Variants in TKTL2 observed in about 807,000 individuals in gnomAD.
TKTL2 encodes the protein transketolase-like protein 2.
For missense variants in TKTL2, 825 were observed against 799.4 expected (o/e 1.03, Z -0.39); for synonymous variants, 259 against 294.1 (o/e 0.88, Z 1.22).
rs1560904567 is a variant in TKTL2, at chr4:163,473,391, C to T, written c.344G>A (p.Arg115Gln). The change falls in exon 1 of 1, where the codon CGA (arginine) becomes CAA (glutamine). Residue 115 changes from arginine to glutamine, a missense_variant. Coordinates refer to ENST00000280605, the MANE Select transcript of TKTL2 (RefSeq NM_032136.5). ...HSDLERHPTP[R>Q]LPFVDVATGS... The stretch of plus-strand genomic sequence containing the variant: ...TGTTGCCACGTCAACAAACGGCAAT[C>T]GGGGGGTAGGGTGTCTCTCCAAGTC... The T allele has an allele frequency of 6.2e-7, 1 of 1,613,840 alleles. No individual in the cohort carries two copies. Among genetic ancestry groups the T allele is most frequent in the East Asian group, 2.2e-5 (1 of 44,838 alleles).
Position 163,472,548 on chromosome 4 carries a change from A to C in TKTL2, c.1187T>G (p.Phe396Cys), listed in dbSNP as rs771090714. The C allele has an allele frequency of 3.1e-6, 5 of 1,614,086 alleles. No individual in the cohort carries two copies. The highest frequency in any genetic ancestry group is 4.2e-6 in the Non-Finnish European group (5 of 1,180,056). ...GAGCTGATCGAATGCTCTAGTAAAA[A>C]AGGCAGCAAAAGCACCAGCAAAAGC... ...TIAFAGAFAAFFTRAFDQLRM... is the reference protein window; with the variant it reads ...TIAFAGAFAACFTRAFDQLRM... Residue 396 changes from phenylalanine (F) to cysteine (C), a missense_variant, in exon 1 of 1, where the codon TTT becomes TGT. Phe to Cys is a radical substitution (Grantham distance 205, BLOSUM62 -2). Coordinates refer to ENST00000280605, the MANE Select transcript of TKTL2 (RefSeq NM_032136.5).
At position 163,473,052 on chromosome 4, in the gene TKTL2, G is replaced by A. The variant is rs1356029517; in HGVS notation, c.683C>T (p.Ala228Val). 1 of 1,614,178 alleles carries A rather than the reference G, an allele frequency of 6.2e-7. No homozygotes were observed. Among genetic ancestry groups the A allele is most frequent in the South Asian group, 1.1e-5 (1 of 91,080 alleles). Residue 228 changes from alanine to valine, a missense_variant, in exon 1 of 1, where the codon GCA becomes GTA. Physicochemically the swap from Ala to Val is moderately conservative, Grantham distance 64. Transcript: ENST00000280605. ...CTTCACTTGACTTGCTTGCCAAAAT[G>A]CTTGGCACAAGGCCTCCACATCATG... ...DGHDVEALCQAFWQASQVKNK... is the reference protein window; with the variant it reads ...DGHDVEALCQVFWQASQVKNK...
At position 163,472,728 on chromosome 4, in the gene TKTL2, T is replaced by G; in HGVS notation, c.1007A>C (p.Asn336Thr). The change falls in exon 1 of 1, where the codon AAT becomes ACT. Residue 336 changes from asparagine (N) to threonine (T), a missense_variant. Coordinates refer to ENST00000280605, the MANE Select transcript of TKTL2 (RefSeq NM_032136.5). ...GLALAKLGRA[N>T]ERVIVLSGDT... ...ACCACTCAGAACAATAACTCTTTCA[T>G]TTGCACGGCCCAGTTTAGCCAGAGC... is the stretch of plus-strand genomic sequence containing the variant. 2 of 1,608,696 alleles carry G rather than the reference T, an allele frequency of 1.2e-6. No individual in the cohort carries two copies. Among genetic ancestry groups the G allele is most frequent in the Non-Finnish European group, 1.7e-6 (2 of 1,176,988 alleles).
rs1047667687 is a variant in TKTL2, at chr4:163,473,636, G to T, written c.99C>A (p.Ala33=). The change falls in exon 1 of 1, where the codon GCC becomes GCA. Residue 33 remains alanine (A), a synonymous_variant. Transcript: ENST00000280605. The part of the protein sequence containing the change: ...LRIHSIRATC[A]SGSGQLTSCC... Reference sequence around the variant, plus strand: ...ACGACGTGAGCTGGCCAGAACCAGAGGCACACGTGGCCCTGATGGAATGGA... The same window carrying T: ...ACGACGTGAGCTGGCCAGAACCAGATGCACACGTGGCCCTGATGGAATGGA... The T allele has an allele frequency of 6.2e-7, 1 of 1,614,082 alleles. No homozygotes were observed. Among genetic ancestry groups the T allele is most frequent in the Non-Finnish European group, 8.5e-7 (1 of 1,180,052 alleles).
chr4:163,471,949 C>T lies in TKTL2; in HGVS notation c.1786G>A (p.Val596Met). The T allele has an allele frequency of 6.2e-7, 1 of 1,610,936 alleles. No homozygotes were observed. The highest frequency in any genetic ancestry group is 8.5e-7 in the Non-Finnish European group (1 of 1,178,460). ...TCACTAGTTTTCCCACGTTGAGGCA[C>T]TCCTGACACTGCCAGTTGATGAACA... ...ILVHQLAVSG[V>M]PQRGKTSELL... is the part of the protein sequence containing the mutation. Residue 596 changes from valine to methionine, a missense_variant, in exon 1 of 1, where the codon GTG (valine) becomes ATG (methionine). Physicochemically the swap from Val to Met is conservative, Grantham distance 21. Coordinates refer to ENST00000280605, the MANE Select transcript of TKTL2 (RefSeq NM_032136.5).
rs938827367 is a variant in TKTL2, at chr4:163,472,430, C to T, written c.1305G>A (p.Leu435=). 3.1e-6 allele frequency: 5 copies of T among 1,613,888 alleles called. No homozygotes were observed. The highest frequency in any genetic ancestry group is 4.2e-6 in the Non-Finnish European group (5 of 1,179,866). ...TGEDGVSQMA[L]EDLAMFRSIP... is the part of the protein sequence containing the mutation. ...TGCTTCGGAACATGGCTAGATCCTC[C>T]AGGGCCATCTGGGAGACTCCATCTT... is the stretch of plus-strand genomic sequence containing the variant. Residue 435 remains leucine (L), a synonymous_variant, in exon 1 of 1, where the codon CTG becomes CTA. Coordinates refer to ENST00000280605, the MANE Select transcript of TKTL2 (RefSeq NM_032136.5).
Position 163,472,515 on chromosome 4 carries a change from C to A in TKTL2, c.1220G>T (p.Gly407Val), listed in dbSNP as rs867327952. The change falls in exon 1 of 1, where the codon GGA (glycine) becomes GTA (valine). Residue 407 changes from glycine to valine, a missense_variant. Coordinates refer to ENST00000280605, the MANE Select transcript of TKTL2 (RefSeq NM_032136.5). ...FTRAFDQLRM[G>V]AISQANINLI... is the part of the protein sequence containing the mutation. ...GTTGATATTGGCTTGAGAAATGGCT[C>A]CCATTCGGAGCTGATCGAATGCTCT... 13 of 1,614,096 alleles carry A rather than the reference C, an allele frequency of 8.1e-6. No individual in the cohort carries two copies. Among genetic ancestry groups the A allele is most frequent in the Non-Finnish European group, 1.1e-5 (13 of 1,180,016 alleles).
rs2110750893 is a variant in TKTL2 at position 163,472,679 on chromosome 4, A to G, written c.1056T>C (p.Ser352=). Residue 352 remains serine (S), a synonymous_variant, in exon 1 of 1, where the codon TCT becomes TCC. Coordinates refer to ENST00000280605, the MANE Select transcript of TKTL2 (RefSeq NM_032136.5). ...CAGGGTGTTCTTTCCTGAATATCTC[A>G]GAAAAGGTGGAGTTCATCGTGTCAC... ...LSGDTMNSTF[S]EIFRKEHPER... 1.9e-6 allele frequency: 3 copies of G among 1,614,074 alleles called. No individual in the cohort carries two copies. In the East Asian group the frequency reaches 6.7e-5, roughly 36 times the overall value.
At position 163,472,669 on chromosome 4, in the gene TKTL2, T is replaced by A. The variant is rs1232926263; in HGVS notation, c.1066A>T (p.Arg356Trp). The A allele has an allele frequency of 9.9e-6, 16 of 1,614,040 alleles. No homozygotes were observed. Among genetic ancestry groups the A allele is most frequent in the Admixed American group, 1.7e-5 (1 of 60,004 alleles). Residue 356 changes from arginine to tryptophan, a missense_variant, in exon 1 of 1, where the codon AGG (arginine) becomes TGG (tryptophan). Arg to Trp is a moderately radical substitution (Grantham distance 101). Transcript: ENST00000280605. ...TMNSTFSEIF[R>W]KEHPERFIEC... Reference sequence around the variant, plus strand: ...ATGAAACGCTCAGGGTGTTCTTTCCTGAATATCTCAGAAAAGGTGGAGTTC... The same window carrying A: ...ATGAAACGCTCAGGGTGTTCTTTCCAGAATATCTCAGAAAAGGTGGAGTTC...
chr4:163,472,184 A>C lies in TKTL2; in HGVS notation c.1551T>G (p.His517Gln). 6.2e-7 allele frequency: 1 copy of C among 1,614,228 alleles called. No homozygotes were observed. Among genetic ancestry groups the C allele is most frequent in the Non-Finnish European group, 8.5e-7 (1 of 1,180,040 alleles). Reference sequence around the variant, plus strand: ...GATGGTCAGCAGCTTCTAAGGCTTCATGGAGAGTAACTCCAGCTCCAATTA... The same window carrying C: ...GATGGTCAGCAGCTTCTAAGGCTTCCTGGAGAGTAACTCCAGCTCCAATTA... ...VTVIGAGVTL[H>Q]EALEAADHLS... Residue 517 changes from histidine to glutamine, a missense_variant, in exon 1 of 1, where the codon CAT becomes CAG. By Grantham distance (24) the His-to-Gln change is conservative. Transcript: ENST00000280605.
chr4:163,471,552 T>C lies in TKTL2; in HGVS notation c.*302A>G, dbSNP rs1737166320. 5.1e-6 allele frequency: 1 copy of C among 196,710 alleles called. No homozygotes were observed. Among genetic ancestry groups the C allele is most frequent in the Non-Finnish European group, 1.0e-5 (1 of 98,556 alleles). 12.2% of individuals were successfully genotyped at this position (196,710 alleles called of 1,614,324 possible). A position where few individuals can be genotyped will look rare whatever the true frequency, so the allele number is the denominator to read the frequency against. ...TTTAATCCCCAGCTCAGTCAGATAT[T>C]TGTAGTCTTATCAGAAATATTTGTA... On this transcript the variant is annotated 3_prime_UTR_variant, in exon 1 of 1. Transcript: ENST00000280605.
chr4:163,473,443 A>T lies in TKTL2; in HGVS notation c.292T>A (p.Leu98Met). ...CTGTGAAGTTTCCTCAGGTTCAGCA[A>T]GTCAGATTCACTGATGTCACCCACC... ...VEVGDISESD[L>M]LNLRKLHSDL... The change falls in exon 1 of 1, where the codon TTG becomes ATG. Residue 98 changes from leucine (L) to methionine (M), a missense_variant. By Grantham distance (15) the Leu-to-Met change is conservative. Coordinates refer to ENST00000280605, the MANE Select transcript of TKTL2 (RefSeq NM_032136.5). 1.2e-6 allele frequency: 2 copies of T among 1,613,974 alleles called. No homozygotes were observed. Among genetic ancestry groups the T allele is most frequent in the Non-Finnish European group, 8.5e-7 (1 of 1,180,006 alleles).
At position 163,473,235 on chromosome 4, in the gene TKTL2, G is replaced by A; in HGVS notation, c.500C>T (p.Ala167Val). The change falls in exon 1 of 1, where the codon GCT becomes GTT. Residue 167 changes from alanine (A) to valine (V), a missense_variant. By Grantham distance (64) the Ala-to-Val change is moderately conservative (BLOSUM62 0). Coordinates refer to ENST00000280605, the MANE Select transcript of TKTL2 (RefSeq NM_032136.5). The part of the protein sequence containing the change: ...GESSEGSVWE[A>V]FAFASHYNLD... ...GTTGTAGTGGGAGGCAAAAGCAAAA[G>A]CCTCCCACACAGAGCCTTCTGAGGA... 3.1e-6 allele frequency: 5 copies of A among 1,613,942 alleles called. No homozygotes were observed. The highest frequency in any genetic ancestry group is 4.2e-6 in the Non-Finnish European group (5 of 1,180,004).
At position 163,473,642 on chromosome 4, in the gene TKTL2, C is replaced by G. The variant is rs115612250; in HGVS notation, c.93G>C (p.Thr31=). ...TGAGCTGGCCAGAACCAGAGGCACA[C>G]GTGGCCCTGATGGAATGGATCCGCA... The part of the protein sequence containing the change: ...NRLRIHSIRA[T]CASGSGQLTS... Residue 31 remains threonine, a synonymous_variant, in exon 1 of 1, where the codon ACG becomes ACC. Coordinates refer to ENST00000280605, the MANE Select transcript of TKTL2 (RefSeq NM_032136.5). 8.7e-5 allele frequency: 140 copies of G among 1,614,172 alleles called. No homozygotes were observed. In the African/African-American group the frequency reaches 1.7e-3, roughly 19 times the overall value.
At position 163,471,926 on chromosome 4, in the gene TKTL2, A is replaced by T; in HGVS notation, c.1809T>A (p.Ser603Arg). 6.2e-7 allele frequency: 1 copy of T among 1,600,516 alleles called. No homozygotes were observed. Among genetic ancestry groups the T allele is most frequent in the Non-Finnish European group, 8.5e-7 (1 of 1,173,698 alleles). ...TGATTCCAAACATATCCAGCAATTCACTAGTTTTCCCACGTTGAGGCACTC... is the reference window on the plus strand; with the variant it reads ...TGATTCCAAACATATCCAGCAATTCTCTAGTTTTCCCACGTTGAGGCACTC... ...VSGVPQRGKT[S>R]ELLDMFGIST... Residue 603 changes from serine (S) to arginine (R), a missense_variant, in exon 1 of 1, where the codon AGT becomes AGA. Coordinates refer to ENST00000280605, the MANE Select transcript of TKTL2 (RefSeq NM_032136.5).
Position 163,471,785 on chromosome 4 carries a change from T to C in TKTL2, c.*69A>G. On this transcript the variant is annotated 3_prime_UTR_variant, in exon 1 of 1. Coordinates refer to ENST00000280605, the MANE Select transcript of TKTL2 (RefSeq NM_032136.5). ...ATGGTTTTGTGACAATAAACATGAATTTAATACAAAGATACCAGTGCTTTT... is the reference window on the plus strand; with the variant it reads ...ATGGTTTTGTGACAATAAACATGAACTTAATACAAAGATACCAGTGCTTTT... The C allele has an allele frequency of 7.8e-7, 1 of 1,280,672 alleles. No individual in the cohort carries two copies. Among genetic ancestry groups the C allele is most frequent in the Non-Finnish European group, 1.1e-6 (1 of 937,116 alleles). 79.3% of individuals were successfully genotyped at this position (1,280,672 alleles called of 1,614,324 possible).
Position 163,472,573 on chromosome 4 carries a change from C to T in TKTL2, c.1162G>A (p.Ala388Thr), listed in dbSNP as rs772758214. Residue 388 changes from alanine to threonine, a missense_variant, in exon 1 of 1, where the codon GCT (alanine) becomes ACT (threonine). Ala to Thr is a moderately conservative substitution (Grantham distance 58, BLOSUM62 0). Transcript: ENST00000280605. ...LGCATRGRTIAFAGAFAAFFT... is the reference protein window; with the variant it reads ...LGCATRGRTITFAGAFAAFFT... ...AAGGCAGCAAAAGCACCAGCAAAAG[C>T]AATGGTTCGACCACGTGTAGCACAG... 3 of 1,614,054 alleles carry T rather than the reference C, an allele frequency of 1.9e-6. No homozygotes were observed. The highest frequency in any genetic ancestry group is 2.5e-6 in the Non-Finnish European group (3 of 1,180,044).
rs78325949 is a variant in TKTL2, at chr4:163,472,097, G to A, written c.1638C>T (p.Ala546=). The A allele has an allele frequency of 1.1e-3, 1,801 of 1,614,104 alleles. 20 individuals carry two copies. The African/African-American group carries it at 0.022, about 19-fold the overall frequency. The change falls in exon 1 of 1, where the codon GCC becomes GCT. Residue 546 remains alanine (A), a synonymous_variant. Coordinates refer to ENST00000280605, the MANE Select transcript of TKTL2 (RefSeq NM_032136.5). The part of the protein sequence containing the change: ...IDPFTIKPLD[A]ATIISSAKAT... ...CTTTTGCACTGGAGATGATGGTGGC[G>A]GCATCCAGGGGTTTAATGGTAAATG...
rs1275144893 is a variant in TKTL2 at position 163,471,951 on chromosome 4, C to T, written c.1784G>A (p.Gly595Glu). 7 of 1,611,020 alleles carry T rather than the reference C, an allele frequency of 4.3e-6. No homozygotes were observed. The highest frequency in any genetic ancestry group is 5.9e-6 in the Non-Finnish European group (7 of 1,178,508). Residue 595 changes from glycine (G) to glutamate (E), a missense_variant, in exon 1 of 1, where the codon GGA becomes GAA. Transcript: ENST00000280605. ...ACTAGTTTTCCCACGTTGAGGCACT[C>T]CTGACACTGCCAGTTGATGAACAAG... ...DILVHQLAVS[G>E]VPQRGKTSEL...
Sources: gnomAD v4.1 joint callset for allele counts on GRCh38, gnomAD v4.1.1 for gene constraint, MANE v1.5 for transcripts, NCBI Gene and HGNC (gene_info 2026-07-23, HGNC 2026-07-21) for gene names.